Variants in PDZRN4 observed in about 807,000 individuals in gnomAD.
PDZRN4 encodes PDZ domain containing ring finger 4, also known as PDZ domain-containing RING finger protein 4.
A neutral mutation model predicts 99.0 loss-of-function variants in PDZRN4; 70 were observed. The ratio of observed to expected loss-of-function variants is 0.71; its 90% CI spans 0.58 to 0.86. The LOEUF is 0.86. Among genes scored for constraint, PDZRN4 ranks in the 40% least tolerant of loss-of-function variants. PDZRN4 has a pLI of 0.00. For synonymous variants in PDZRN4, 551 were observed against 501.6 expected, an observed-to-expected ratio of 1.10 and a Z score of -1.32; for missense variants, 1,474 against 1,331.2, an observed-to-expected ratio of 1.11 and a Z score of -1.67.
intron 5 of PDZRN4, among the ~76,000 whole-genome samples, chr12:41,517,010 C>T (rs1319779318): frequency 6.6e-6 from 1 of 151,908 alleles, no homozygotes; most frequent in Non-Finnish European, 1.5e-5. Context: ...AAGAAAAATG[C>T]CACAAAGTTG....
chr12:41,340,238 T>A (rs1951806502), intron 3 of PDZRN4, among the ~76,000 whole-genome samples: 1 of 152,010 alleles, frequency 6.6e-6, no homozygotes. Context: ...TAGAGAACGA[T>A]TCAGCCATGA....
intron 3 of PDZRN4, among the ~76,000 whole-genome samples, chr12:41,211,588 A>G (rs1950889054): frequency 6.6e-6 from 1 of 151,982 alleles, no homozygotes. Context: ...TCAGAAAACT[A>G]TTATCCTGAA....
intron 7 of PDZRN4, among the ~76,000 whole-genome samples, chr12:41,555,967 C>T (rs1301334903): frequency 1.3e-5 from 2 of 151,962 alleles, no homozygotes; most frequent in African/African-American, 2.4e-5. Context: ...ATTAGTGGTT[C>T]AAATACCATC....
intron 5 of PDZRN4, among the ~76,000 whole-genome samples, chr12:41,538,395 G>T (rs1029185642): frequency 6.6e-6 from 1 of 152,084 alleles, no homozygotes. Context: ...TTTAAGAAAC[G>T]TTATATTGTG....
chr12:41,464,534 G>A (rs1952906719), intron 3 of PDZRN4, among the ~76,000 whole-genome samples: 1 of 152,150 alleles, frequency 6.6e-6, no homozygotes, highest in Non-Finnish European at 1.5e-5. Context: ...TGTAGTTGAT[G>A]TATTTTTTTC....
chr12:41,263,402 A>G (rs1489331967), intron 3 of PDZRN4, among the ~76,000 whole-genome samples: 1 of 152,128 alleles, frequency 6.6e-6, no homozygotes, highest in Non-Finnish European at 1.5e-5. Flanking sequence ...AAAATACAAA[A>G]ATTAGCCAGC....
intron 1 of PDZRN4, among the ~76,000 whole-genome samples, chr12:41,189,896 T>A (rs778530108): frequency 3.6e-4 from 55 of 152,212 alleles, no homozygotes; most frequent in Middle Eastern, 3.4e-3. Flanking sequence ...CCCTTCTTTG[T>A]CTAAGCTGCT....
At chr12:41,230,613 T>C (rs890592205) in intron 3 of PDZRN4, among the ~76,000 whole-genome samples, 2 of 152,064 alleles carry the variant, frequency 1.3e-5, no homozygotes, top group African/African-American at 4.8e-5. Flanking sequence ...GTTTTAATAG[T>C]AGTGTGGAAT....
intron 3 of PDZRN4, among the ~76,000 whole-genome samples, chr12:41,255,554 T>A (rs1660900862): frequency 6.6e-6 from 1 of 152,174 alleles, no homozygotes; most frequent in Non-Finnish European, 1.5e-5. Flanking sequence ...TTGAGGAGGA[T>A]GTTGAGGGAA....
At chr12:41,538,199 TA>T (rs925743190) in intron 5 of PDZRN4, among the ~76,000 whole-genome samples, 14 of 151,034 alleles carry the variant, frequency 9.3e-5, no homozygotes, top group South Asian at 4.2e-4. Flanking sequence ...AAAGGTATAT[TA>T]AAAAAAAAGT....
intron 3 of PDZRN4, among the ~76,000 whole-genome samples, chr12:41,261,727 G>T (rs745720713): frequency 6.6e-6 from 1 of 152,116 alleles, no homozygotes; most frequent in Non-Finnish European, 1.5e-5. Flanking sequence ...CTGACCTCGT[G>T]ATCCCCCCTC....
At chr12:41,382,937 A>G (rs1383077565) in intron 3 of PDZRN4, among the ~76,000 whole-genome samples, 1 of 152,254 alleles carries the variant, frequency 6.6e-6, no homozygotes, top group African/African-American at 2.4e-5. Context: ...GCAGACAAAA[A>G]TAAAATGATT....
At chr12:41,486,428 A>G (rs1463592475) in intron 3 of PDZRN4, among the ~76,000 whole-genome samples, 1 of 152,188 alleles carries the variant, frequency 6.6e-6, no homozygotes, top group Non-Finnish European at 1.5e-5. Context: ...AAAATAGGCG[A>G]AGTAATAATG....
chr12:41,236,283 T>C (rs888092434), intron 3 of PDZRN4, among the ~76,000 whole-genome samples: 2 of 152,032 alleles, frequency 1.3e-5, no homozygotes, highest in African/African-American at 4.8e-5. Flanking sequence ...ATCAAAGAAA[T>C]CACCTTGAAG....
intron 3 of PDZRN4, among the ~76,000 whole-genome samples, chr12:41,398,316 T>G (rs1316052089): frequency 6.6e-6 from 1 of 152,006 alleles, no homozygotes. Flanking sequence ...TGAAGGTGAC[T>G]GGGAAACTAT....
At chr12:41,402,309 T>A (rs12308955) in intron 3 of PDZRN4, among the ~76,000 whole-genome samples, 1,442 of 1,444 alleles carry the variant, frequency 1, 721 homozygotes, top group Non-Finnish European at 1. Context: ...ACACACAGTG[T>A]GTATATATAT....
rs148651376 is a variant in PDZRN4 at position 41,495,418 on chromosome 12, G to T, written c.844-11038G>T. 6.2e-4 allele frequency among the ~76,000 whole-genome samples: 94 copies of T among 152,114 alleles called. No individual in the cohort carries two copies. The East Asian group carries it at 0.011, about 18-fold the overall frequency. Reference sequence around the variant, plus strand: ...TTGATGGGAATAGATACCGAGGCTGGCTGTTATAGAAAATCTGCCAATCTG... The same window carrying T: ...TTGATGGGAATAGATACCGAGGCTGTCTGTTATAGAAAATCTGCCAATCTG... On this transcript the variant is annotated intron_variant, in intron 3 of 9. Coordinates refer to ENST00000402685, the MANE Select transcript of PDZRN4 (RefSeq NM_001164595.2).
At chr12:41,460,421 G>A (rs911269257) in intron 3 of PDZRN4, among the ~76,000 whole-genome samples, 2 of 152,106 alleles carry the variant, frequency 1.3e-5, no homozygotes, top group East Asian at 1.9e-4. Context: ...TCCTTTTTGT[G>A]TTCAACTTAT....
rs1002295592 is a variant in PDZRN4 at position 41,482,013 on chromosome 12, G to A, written c.844-24443G>A. On this transcript the variant is annotated intron_variant, in intron 3 of 9. Coordinates refer to ENST00000402685, the MANE Select transcript of PDZRN4 (RefSeq NM_001164595.2). ...TTTGGCAACAACTAACATACCCCACGAAAAATGGATTAAATAGAGGACTTC... is the reference window on the plus strand; with the variant it reads ...TTTGGCAACAACTAACATACCCCACAAAAAATGGATTAAATAGAGGACTTC... Among the ~76,000 whole-genome samples the A allele has an allele frequency of 5.3e-5, 8 of 151,902 alleles. No homozygotes were observed. In the East Asian group the frequency reaches 1.2e-3, roughly 22 times the overall value.
Sources: gnomAD v4.1 joint callset for allele counts (sites outside exome capture counted in the v4.1 genomes callset) on GRCh38, gnomAD v4.1.1 for gene constraint, MANE v1.5 for transcripts, NCBI Gene and HGNC (gene_info 2026-07-23, HGNC 2026-07-21) for gene names.